RARB: variants seen among roughly 807,000 people sequenced by gnomAD.
RARB encodes the protein retinoic acid receptor beta.
In RARB, 17 loss-of-function variants were observed where a neutral mutation model predicts 51.9. The ratio of observed to expected loss-of-function variants is 0.33; its 90% CI spans 0.22 to 0.49. RARB has a LOEUF of 0.49. RARB is among the 20% of genes least tolerant of loss of function. The probability of loss-of-function intolerance (pLI) is 0.99; values close to 1 mark genes in which losing one functional copy is unlikely to be tolerated. For synonymous variants in RARB, 215 were observed against 195.4 expected (o/e 1.10, Z -0.84); for missense variants, 369 against 550.8 (o/e 0.67, Z 3.30).
intron 2 of RARB, among the ~76,000 whole-genome samples, chr3:24,965,521 C>G (rs1696236372): frequency 6.6e-6 from 1 of 152,068 alleles, no homozygotes; most frequent in Non-Finnish European, 1.5e-5. Flanking sequence ...TATTTTATGA[C>G]CATGAGGCAC....
chr3:25,555,077 G>GA (rs1700002468), intron 3 of RARB, among the ~76,000 whole-genome samples: 1 of 152,160 alleles, frequency 6.6e-6, no homozygotes. Context: ...TTTTAGAGGG[G>GA]AAAAATATTC....
At chr3:25,473,767 A>G (rs1695816145) in intron 2 of RARB, among the ~76,000 whole-genome samples, 1 of 152,060 alleles carries the variant, frequency 6.6e-6, no homozygotes, top group Non-Finnish European at 1.5e-5. Flanking sequence ...GTGTTTTCAC[A>G]TGGGCTTCTC....
chr3:25,565,312 T>C (rs1182555979), intron 3 of RARB, among the ~76,000 whole-genome samples: 1 of 152,174 alleles, frequency 6.6e-6, no homozygotes, highest in Non-Finnish European at 1.5e-5. Flanking sequence ...ATTAGGTTGT[T>C]GTAAGGATTG....
intron 3 of RARB, among the ~76,000 whole-genome samples, chr3:25,102,641 T>C (rs1272428650): frequency 6.6e-6 from 1 of 152,206 alleles, no homozygotes; most frequent in African/African-American, 2.4e-5. Context: ...TGAGTTTATA[T>C]ATTTATATTC....
intron 2 of RARB, among the ~76,000 whole-genome samples, chr3:24,899,775 G>T (rs1027870142): frequency 5.3e-5 from 8 of 152,258 alleles, no homozygotes; most frequent in Admixed American, 2.6e-4. Flanking sequence ...ATATAATAAA[G>T]CTCCCTCATA....
chr3:25,588,694 G>A (rs1394566844), intron 5 of RARB, among the ~76,000 whole-genome samples: 2 of 152,132 alleles, frequency 1.3e-5, no homozygotes, highest in South Asian at 2.1e-4. Context: ...GAATTCCAGA[G>A]GCTGGAAGCT....
intron 4 of RARB, among the ~76,000 whole-genome samples, chr3:25,146,322 A>T (rs903273690): frequency 2.0e-5 from 3 of 152,096 alleles, no homozygotes; most frequent in African/African-American, 7.2e-5. Context: ...ATTTGGGGCT[A>T]TGGGGGGACC....
upstream of RARB, among the ~76,000 whole-genome samples, chr3:25,424,213 C>G (rs77917700): frequency 2.0e-5 from 3 of 152,324 alleles, no homozygotes; most frequent in East Asian, 5.8e-4. Context: ...TCGCTATACT[C>G]ATGCCCAGAG....
At chr3:25,039,883 T>A (rs185673373) in intron 2 of RARB, among the ~76,000 whole-genome samples, 1 of 152,292 alleles carries the variant, frequency 6.6e-6, no homozygotes, top group Admixed American at 6.5e-5. Context: ...ACTTGATAAA[T>A]CATTCGTGGC....
At position 24,923,972 on chromosome 3, in the gene RARB, A is replaced by G. The variant is rs548666336; in HGVS notation, c.-380+65220A>G. Among the ~76,000 whole-genome samples the G allele has an allele frequency of 5.9e-5, 9 of 152,270 alleles. No individual in the cohort carries two copies. In the East Asian group the frequency reaches 1.7e-3, roughly 29 times the overall value. ...AGAAATTAACAGGTGAAATAATATC[A>G]TTTTACATAATTAAATCTGTGATCT... On this transcript the variant is annotated intron_variant, in intron 2 of 11. Transcript: ENST00000383772.
chr3:25,390,908 T>A (rs1028676137), intron 5 of RARB, among the ~76,000 whole-genome samples: 1 of 152,028 alleles, frequency 6.6e-6, no homozygotes, highest in Non-Finnish European at 1.5e-5. Flanking sequence ...ATTTTTGTTT[T>A]AATTTCAATA....
At chr3:25,554,127 GA>G (rs1699953730) in intron 3 of RARB, among the ~76,000 whole-genome samples, 1 of 150,968 alleles carries the variant, frequency 6.6e-6, no homozygotes, top group Non-Finnish European at 1.5e-5. Context: ...TAGGGTGGGG[GA>G]GGGGATTTCC....
chr3:25,578,604 A>G (rs1428830719), intron 4 of RARB, among the ~76,000 whole-genome samples: 2 of 152,214 alleles, frequency 1.3e-5, no homozygotes, highest in East Asian at 3.8e-4. Context: ...TTACGGCCCA[A>G]ATGGCCACAC....
At chr3:24,891,934 T>C (rs1703387197) in intron 2 of RARB, among the ~76,000 whole-genome samples, 1 of 151,948 alleles carries the variant, frequency 6.6e-6, no homozygotes, top group Admixed American at 6.6e-5. Context: ...CCCACAGAAG[T>C]AGATGGGGGA....
chr3:25,008,947 A>G (rs1358675497), intron 2 of RARB, among the ~76,000 whole-genome samples: 1 of 152,024 alleles, frequency 6.6e-6, no homozygotes, highest in Non-Finnish European at 1.5e-5. Context: ...CAACAACTAT[A>G]CTCTTTATTG....
At chr3:25,319,842 C>T (rs1168199012) in intron 5 of RARB, among the ~76,000 whole-genome samples, 1 of 152,096 alleles carries the variant, frequency 6.6e-6, no homozygotes, top group African/African-American at 2.4e-5. Flanking sequence ...TCAGGATATA[C>T]TCTCAGTCAC....
At chr3:25,076,719 C>T (rs1339480835) in intron 3 of RARB, among the ~76,000 whole-genome samples, 1 of 151,918 alleles carries the variant, frequency 6.6e-6, no homozygotes, top group Non-Finnish European at 1.5e-5. Context: ...TGTTAAAAAG[C>T]TTTGTATTTT....
At chr3:25,536,873 AAG>A in intron 3 of RARB, among the ~76,000 whole-genome samples, 1 of 152,312 alleles carries the variant, frequency 6.6e-6, no homozygotes, top group East Asian at 1.9e-4. Context: ...TAGGAAAAGA[AAG>A]TTGGGGAGTT....
upstream of RARB, among the ~76,000 whole-genome samples, chr3:25,426,820 A>C (rs1708006043): frequency 6.6e-6 from 1 of 152,204 alleles, no homozygotes; most frequent in Non-Finnish European, 1.5e-5. Context: ...TCTCCCTTTT[A>C]AAGCTCTCCA....
Sources: gnomAD v4.1 joint callset for allele counts (sites outside exome capture counted in the v4.1 genomes callset) on GRCh38, gnomAD v4.1.1 for gene constraint, MANE v1.5 for transcripts, NCBI Gene and HGNC (gene_info 2026-07-23, HGNC 2026-07-21) for gene names.